Variants in PDE4B observed in about 807,000 individuals in gnomAD.
PDE4B encodes the protein 3',5'-cyclic-AMP phosphodiesterase 4B.
PDE4B carries 20 observed loss-of-function variants against 82.2 expected under a neutral mutation model. The ratio of observed to expected loss-of-function variants is 0.24; its 90% CI spans 0.17 to 0.35. The LOEUF is 0.35. Ranked by LOEUF, PDE4B falls within the 10% of genes least tolerant of loss-of-function variation. The pLI is 1.00. For synonymous variants in PDE4B, 320 were observed against 318.9 expected (o/e 1.00, Z -0.04); for missense variants, 655 against 907.2 (o/e 0.72, Z 3.57).
chr1:66,003,449 A>T (rs769746224), intron 3 of PDE4B, among the ~76,000 whole-genome samples: 13 of 152,340 alleles, frequency 8.5e-5, no homozygotes, highest in Admixed American at 2.6e-4. Context: ...CTTAAAAGTA[A>T]CAAGACAAAG....
intron 7 of PDE4B, among the ~76,000 whole-genome samples, chr1:66,301,578 C>A (rs1030323624): frequency 6.6e-6 from 1 of 150,982 alleles, no homozygotes; most frequent in Non-Finnish European, 1.5e-5. Context: ...TTTTTTCTAA[C>A]TATGCCAGAT....
chr1:66,151,114 G>A (rs890311186), intron 3 of PDE4B, among the ~76,000 whole-genome samples: 20 of 152,104 alleles, frequency 1.3e-4, no homozygotes, highest in East Asian at 1.9e-4. Context: ...AAGGATTTGC[G>A]TTACTTCTTT....
intron 1 of PDE4B, among the ~76,000 whole-genome samples, chr1:65,819,580 C>T (rs1301751138): frequency 1.3e-5 from 2 of 151,198 alleles, no homozygotes; most frequent in South Asian, 2.1e-4. Flanking sequence ...CGGCTCACTG[C>T]AAGCTCCGCC....
Position 66,255,008 on chromosome 1 carries a change from C to A in PDE4B, c.477-2639C>A, listed in dbSNP as rs1375791532. Reference sequence around the variant, plus strand: ...TCCCTGGCTCCTTTCTCTCTCCTCTCTCTTTTTCTTTTCTTTTCTCTTTTC... The same window carrying A: ...TCCCTGGCTCCTTTCTCTCTCCTCTATCTTTTTCTTTTCTTTTCTCTTTTC... On this transcript the variant is annotated intron_variant, in intron 4 of 16. Transcript: ENST00000341517. Among the ~76,000 whole-genome samples the A allele has an allele frequency of 2.0e-5, 3 of 152,006 alleles. No homozygotes were observed. The East Asian group carries it at 5.8e-4, about 29-fold the overall frequency.
intron 3 of PDE4B, among the ~76,000 whole-genome samples, chr1:66,130,529 A>T (rs1354296767): frequency 6.6e-6 from 1 of 151,898 alleles, no homozygotes; most frequent in African/African-American, 2.4e-5. Flanking sequence ...AACTACACTC[A>T]CTCTCCCAGC....
chr1:65,993,583 C>G lies in PDE4B; in HGVS notation c.281+74748C>G, dbSNP rs577364059. On this transcript the variant is annotated intron_variant, in intron 3 of 16. Coordinates refer to ENST00000341517, the MANE Select transcript of PDE4B (RefSeq NM_002600.4). ...TTATTTTTAAGATAATGTATAAAGT[C>G]TAACTTAATGTATTGTACCATCATG... Among the ~76,000 whole-genome samples the G allele has an allele frequency of 6.6e-5, 10 of 152,166 alleles. No individual in the cohort carries two copies. In the South Asian group the frequency reaches 2.1e-3, roughly 32 times the overall value.
chr1:65,837,188 G>T lies in PDE4B; in HGVS notation c.-71+43940G>T, dbSNP rs1646149716. On this transcript the variant is annotated intron_variant, in intron 1 of 16. Transcript: ENST00000341517. ...ACATTTTTCTATATATACTGCCCTA[G>T]AGATTATTTATATATCATGTATTGT... is the stretch of plus-strand genomic sequence containing the variant. 3.3e-5 allele frequency among the ~76,000 whole-genome samples: 5 copies of T among 151,802 alleles called. No individual in the cohort carries two copies. In the South Asian group the frequency reaches 1.0e-3, roughly 32 times the overall value.
At chr1:66,012,942 G>T (rs970036881) in intron 3 of PDE4B, among the ~76,000 whole-genome samples, 1 of 151,928 alleles carries the variant, frequency 6.6e-6, no homozygotes, top group Admixed American at 6.6e-5. Flanking sequence ...TTATGAATAC[G>T]GTACTATTAG....
At chr1:65,975,912 G>T (rs1197630952) in intron 3 of PDE4B, among the ~76,000 whole-genome samples, 3 of 152,202 alleles carry the variant, frequency 2.0e-5, no homozygotes, top group Non-Finnish European at 2.9e-5. Flanking sequence ...TTCAGGGGTG[G>T]AGCCCTCCTG....
At chr1:65,894,667 C>T (rs1457383556) in intron 1 of PDE4B, among the ~76,000 whole-genome samples, 3 of 151,932 alleles carry the variant, frequency 2.0e-5, no homozygotes, top group Admixed American at 2.0e-4. Flanking sequence ...CTCTTACAAA[C>T]CAGTAGGGAG....
chr1:65,927,304 A>G (rs1216508333), intron 3 of PDE4B, among the ~76,000 whole-genome samples: 1 of 151,454 alleles, frequency 6.6e-6, no homozygotes, highest in Non-Finnish European at 1.5e-5. Context: ...TATAGGGGTA[A>G]GGGAAATGAA....
chr1:65,948,832 G>A (rs926945549), intron 3 of PDE4B, among the ~76,000 whole-genome samples: 2 of 152,142 alleles, frequency 1.3e-5, no homozygotes, highest in Non-Finnish European at 2.9e-5. Flanking sequence ...CAGTTGATGT[G>A]TTTTGGGTCA....
At chr1:66,081,721 AAC>A (rs2100961689) in intron 3 of PDE4B, among the ~76,000 whole-genome samples, 1 of 152,134 alleles carries the variant, frequency 6.6e-6, no homozygotes, top group African/African-American at 2.4e-5. Flanking sequence ...TCAGTGTTGT[AAC>A]AGTTTGCTCT....
intron 3 of PDE4B, among the ~76,000 whole-genome samples, chr1:66,143,396 T>C (rs1397519473): frequency 6.6e-6 from 1 of 152,134 alleles, no homozygotes; most frequent in Non-Finnish European, 1.5e-5. Flanking sequence ...GGATCAGGCG[T>C]TACATCTGGA....
At chr1:66,247,975 T>C (rs1653458891) in intron 4 of PDE4B, among the ~76,000 whole-genome samples, 1 of 152,242 alleles carries the variant, frequency 6.6e-6, no homozygotes, top group Admixed American at 6.5e-5. Context: ...TAACACTTTT[T>C]ATACATCACA....
intron 1 of PDE4B, among the ~76,000 whole-genome samples, chr1:65,856,720 G>C (rs1646397103): frequency 6.6e-6 from 1 of 152,144 alleles, no homozygotes; most frequent in Non-Finnish European, 1.5e-5. Context: ...TTGGTCAAAT[G>C]GTATTTCTAG....
chr1:65,915,538 A>G (rs574323971), intron 2 of PDE4B, among the ~76,000 whole-genome samples: 1 of 152,322 alleles, frequency 6.6e-6, no homozygotes, highest in African/African-American at 2.4e-5. Flanking sequence ...GAATGCTTCA[A>G]AAATGACTGA....
intron 7 of PDE4B, among the ~76,000 whole-genome samples, chr1:66,283,667 A>G (rs1656454512): frequency 6.6e-6 from 1 of 152,022 alleles, no homozygotes. Flanking sequence ...CCTTGTATAG[A>G]AAGTATTGAG....
chr1:65,794,189 C>G (rs556416851), intron 1 of PDE4B, among the ~76,000 whole-genome samples: 5 of 152,162 alleles, frequency 3.3e-5, no homozygotes, highest in African/African-American at 2.4e-5. Context: ...AATGGTAACT[C>G]TATGCATTCT....
Sources: gnomAD v4.1 joint callset for allele counts (sites outside exome capture counted in the v4.1 genomes callset) on GRCh38, gnomAD v4.1.1 for gene constraint, MANE v1.5 for transcripts, NCBI Gene and HGNC (gene_info 2026-07-23, HGNC 2026-07-21) for gene names.